PTPRD: variants seen among roughly 807,000 people sequenced by gnomAD.
The protein encoded by PTPRD is receptor-type tyrosine-protein phosphatase delta.
Under a neutral mutation model 214.5 loss-of-function variants are expected in PTPRD, and 34 were observed. The ratio of observed to expected loss-of-function variants is 0.16; its 90% confidence interval spans 0.12 to 0.21. The LOEUF (loss-of-function observed/expected upper bound fraction) is 0.21. Ranked by LOEUF, PTPRD falls within the 10% of genes least tolerant of loss-of-function variation. The pLI is 1.00. For synonymous variants in PTPRD, 1,128 were observed against 845.7 expected, an observed-to-expected ratio of 1.33 and a Z score of -5.79; for missense variants, 2,545 against 2,398.7, an observed-to-expected ratio of 1.06 and a Z score of -1.27.
At chr9:9,815,582 C>A (rs990933541) in intron 5 of PTPRD, among the ~76,000 whole-genome samples, 1 of 152,058 alleles carries the variant, frequency 6.6e-6, no homozygotes, top group Non-Finnish European at 1.5e-5. Flanking sequence ...AGAAATCCTA[C>A]AGACTGGGAA....
rs1167632854 is a variant in PTPRD, at chr9:9,906,673, G to A, written c.-368+31834C>T. Among the ~76,000 whole-genome samples the A allele has an allele frequency of 3.3e-5, 5 of 151,820 alleles. No individual in the cohort carries two copies. In the East Asian group the frequency reaches 9.6e-4, roughly 29 times the overall value. ...CTATCATATAATCAGCATTTCTCAA[G>A]GCTTAGAATGTATTATATGTAGACA... On this transcript the variant is annotated intron_variant, in intron 5 of 45. Coordinates refer to ENST00000381196, the MANE Select transcript of PTPRD (RefSeq NM_002839.4).
intron 14 of PTPRD, among the ~76,000 whole-genome samples, chr9:8,561,199 C>T (rs1206423714): frequency 6.6e-6 from 1 of 152,128 alleles, no homozygotes; most frequent in Non-Finnish European, 1.5e-5. Context: ...TCCTGCCCAC[C>T]TTTGAGTGGT....
At chr9:9,114,138 T>C (rs2099809850) in intron 10 of PTPRD, among the ~76,000 whole-genome samples, 1 of 152,160 alleles carries the variant, frequency 6.6e-6, no homozygotes, top group Non-Finnish European at 1.5e-5. Flanking sequence ...TAAAGTTTAG[T>C]CAATGCAAAC....
intron 11 of PTPRD, among the ~76,000 whole-genome samples, chr9:8,923,957 C>A (rs906073385): frequency 6.6e-6 from 1 of 152,142 alleles, no homozygotes; most frequent in Non-Finnish European, 1.5e-5. Flanking sequence ...ATCCTTTAAA[C>A]TGTATTATAC....
chr9:8,648,586 A>C (rs976332364), intron 12 of PTPRD, among the ~76,000 whole-genome samples: 1 of 152,192 alleles, frequency 6.6e-6, no homozygotes, highest in Non-Finnish European at 1.5e-5. Flanking sequence ...TTTGCTTACT[A>C]CCTATTTATG....
intron 6 of PTPRD, among the ~76,000 whole-genome samples, chr9:9,748,216 T>C (rs1350321491): frequency 1.3e-5 from 2 of 152,344 alleles, no homozygotes; most frequent in East Asian, 3.9e-4. Flanking sequence ...CTATGTCTTA[T>C]TACTTTTATT....
intron 5 of PTPRD, among the ~76,000 whole-genome samples, chr9:9,894,146 C>T (rs1486168617): frequency 6.6e-6 from 1 of 152,008 alleles, no homozygotes; most frequent in Non-Finnish European, 1.5e-5. Context: ...CACATGAACA[C>T]CTCTATATCT....
rs2130430995 is a variant in PTPRD at position 8,317,787 on chromosome 9, G to A, written c.*87C>T. 8.6e-7 allele frequency: 1 copy of A among 1,160,062 alleles called. No homozygotes were observed. Among genetic ancestry groups the A allele is most frequent in the South Asian group, 1.3e-5 (1 of 76,528 alleles). The allele number at this position is 1,160,062 out of a possible 1,614,324, so 71.9% of individuals were successfully genotyped here. A position where few individuals can be genotyped will look rare whatever the true frequency, so the allele number is the denominator to read the frequency against. ...TAGTTGTTAGCTAGAAGTTAAGAAG[G>A]ACTTCTCAAGTGCCCTGTATGGCTC... On this transcript the variant is annotated 3_prime_UTR_variant, in exon 46 of 46. Coordinates refer to ENST00000381196, the MANE Select transcript of PTPRD (RefSeq NM_002839.4).
At chr9:10,336,880 A>T (rs1370926436) in intron 3 of PTPRD, among the ~76,000 whole-genome samples, 1 of 151,636 alleles carries the variant, frequency 6.6e-6, no homozygotes, top group East Asian at 1.9e-4. Context: ...TAGGGACTAA[A>T]GTCATTCTCT....
At chr9:8,800,088 G>A (rs1252999580) in intron 11 of PTPRD, among the ~76,000 whole-genome samples, 1 of 151,842 alleles carries the variant, frequency 6.6e-6, no homozygotes, top group Non-Finnish European at 1.5e-5. Flanking sequence ...AGGCTCCAAA[G>A]GTGTGATAAA....
intron 8 of PTPRD, among the ~76,000 whole-genome samples, chr9:9,477,129 G>A (rs1265528276): frequency 6.6e-6 from 1 of 152,192 alleles, no homozygotes; most frequent in Non-Finnish European, 1.5e-5. Flanking sequence ...AATGGTCCAA[G>A]AATGTAGGCC....
intron 8 of PTPRD, among the ~76,000 whole-genome samples, chr9:9,544,296 T>G (rs1380576754): frequency 6.6e-6 from 1 of 151,654 alleles, no homozygotes; most frequent in Non-Finnish European, 1.5e-5. Flanking sequence ...TTTAATTAAT[T>G]GAATTAAAAG....
chr9:9,818,526 G>A lies in PTPRD; in HGVS notation c.-367-51675C>T, dbSNP rs73398642. On this transcript the variant is annotated intron_variant, in intron 5 of 45. Transcript: ENST00000381196. ...ATATATAAGTAGAAATGTAGGTAGGGAAGGACAGAGAGAGATAGAAAGAGG... is the reference window on the plus strand; with the variant it reads ...ATATATAAGTAGAAATGTAGGTAGGAAAGGACAGAGAGAGATAGAAAGAGG... Among the ~76,000 whole-genome samples the A allele has an allele frequency of 1.4e-3, 207 of 152,228 alleles. 1 individual carries two copies. Among genetic ancestry groups the A allele is most frequent in the African/African-American group, 4.8e-3 (201 of 41,544 alleles).
chr9:8,347,124 G>A (rs569693902), intron 39 of PTPRD, among the ~76,000 whole-genome samples: 56 of 152,062 alleles, frequency 3.7e-4, no homozygotes, highest in Non-Finnish European at 1.9e-4. Flanking sequence ...GCTGGTGATC[G>A]TCTCTCTCTA....
In PTPRD at chr9:9,910,341, G is replaced by C. The variant is rs190816262; in HGVS notation, c.-368+28166C>G. ...AATTTTTTCATCTCTCATGATACAT[G>C]TGTGCAATCTTTTAAAAATATCTGT... On this transcript the variant is annotated intron_variant, in intron 5 of 45. Transcript: ENST00000381196. Among the ~76,000 whole-genome samples the C allele has an allele frequency of 2.0e-5, 3 of 151,990 alleles. No homozygotes were observed. In the East Asian group the frequency reaches 5.8e-4, roughly 29 times the overall value.
chr9:9,264,605 C>G (rs1326950365), intron 9 of PTPRD, among the ~76,000 whole-genome samples: 1 of 151,482 alleles, frequency 6.6e-6, no homozygotes, highest in African/African-American at 2.4e-5. Context: ...AGAAAAAAGG[C>G]AGAAAGCTTA....
intron 11 of PTPRD, among the ~76,000 whole-genome samples, chr9:8,830,865 T>C (rs2154529549): frequency 6.6e-6 from 1 of 152,304 alleles, no homozygotes; most frequent in East Asian, 1.9e-4. Context: ...GCCTCATTTT[T>C]CTAACAATTC....
At chr9:9,547,291 A>C (rs77321193) in intron 8 of PTPRD, among the ~76,000 whole-genome samples, 24,902 of 152,042 alleles carry the variant, frequency 0.16, 2,230 homozygotes, top group Middle Eastern at 0.19. Flanking sequence ...GAATGTGCAG[A>C]GCTTACTACA....
At chr9:8,978,862 A>G (rs1255059313) in intron 11 of PTPRD, among the ~76,000 whole-genome samples, 3 of 152,140 alleles carry the variant, frequency 2.0e-5, no homozygotes, top group Admixed American at 2.0e-4. Context: ...GCTTCACTTT[A>G]CTGCTAATGA....
Sources: gnomAD v4.1 joint callset for allele counts (sites outside exome capture counted in the v4.1 genomes callset) on GRCh38, gnomAD v4.1.1 for gene constraint, MANE v1.5 for transcripts, NCBI Gene and HGNC (gene_info 2026-07-23, HGNC 2026-07-21) for gene names.